The following TNFAIP8 variants were observed in gnomAD, a reference collection of about 807,000 sequenced individuals.
TNFAIP8 encodes the protein tumor necrosis factor alpha-induced protein 8.
In TNFAIP8, 7 loss-of-function variants were observed where a neutral mutation model predicts 13.3. The ratio of observed to expected loss-of-function variants is 0.52; its 90% confidence interval spans 0.30 to 0.99. TNFAIP8 has a LOEUF of 0.99. Among genes scored for constraint, TNFAIP8 ranks in the 50% least tolerant of loss-of-function variants. The pLI is 0.07. For missense variants in TNFAIP8, 258 were observed against 236.9 expected (o/e 1.09, Z -0.58); for synonymous variants, 94 against 87.6 (o/e 1.07, Z -0.41).
chr5:119,271,650 GA>G (rs1748295866), intron 1 of TNFAIP8, among the ~76,000 whole-genome samples: 2 of 152,170 alleles, frequency 1.3e-5, no homozygotes, highest in Admixed American at 6.5e-5. Flanking sequence ...CAGGGGCATT[GA>G]CTTTGGCAAT....
intron 1 of TNFAIP8, among the ~76,000 whole-genome samples, chr5:119,319,482 C>T (rs1048641793): frequency 6.6e-6 from 1 of 152,122 alleles, no homozygotes; most frequent in African/African-American, 2.4e-5. Flanking sequence ...AAATTTTCTC[C>T]TATCTGAGAG....
At chr5:119,363,921 C>G (rs150281556) in intron 1 of TNFAIP8, among the ~76,000 whole-genome samples, 181 of 152,308 alleles carry the variant, frequency 1.2e-3, no homozygotes, top group African/African-American at 4.2e-3. Flanking sequence ...CCTAGAACAG[C>G]TCATGAAACT....
chr5:119,387,609 G>T (rs985994961), intron 1 of TNFAIP8, among the ~76,000 whole-genome samples: 2 of 152,094 alleles, frequency 1.3e-5, no homozygotes, highest in Non-Finnish European at 2.9e-5. Flanking sequence ...TAATAACAAA[G>T]GACTTTTTTT....
At position 119,398,011 on chromosome 5, in the gene TNFAIP8, T is replaced by C. The variant is rs894554326; in HGVS notation, c.*4630T>C. 11 of 152,242 alleles carry C rather than the reference T, an allele frequency of 7.2e-5. No individual in the cohort carries two copies. Among genetic ancestry groups the C allele is most frequent in the African/African-American group, 2.7e-4 (11 of 41,466 alleles). The allele number at this position is 152,242 out of a possible 1,614,324, so 9.4% of individuals were successfully genotyped here. A position where few individuals can be genotyped will look rare whatever the true frequency, so the allele number is the denominator to read the frequency against. ...ATCTGCTGAGCACTGAGAAAGGATA[T>C]GGACAAGTCAGTCAGCATTCACAAT... On this transcript the variant is annotated 3_prime_UTR_variant, in exon 2 of 2. Transcript: ENST00000504771.
intron 1 of TNFAIP8, among the ~76,000 whole-genome samples, chr5:119,298,858 C>G (rs1428750392): frequency 5.3e-5 from 8 of 152,176 alleles, no homozygotes; most frequent in African/African-American, 7.2e-5. Context: ...TCATTCATTT[C>G]ATCTTCCATC....
At chr5:119,282,424 T>G (rs1311214360) in intron 1 of TNFAIP8, among the ~76,000 whole-genome samples, 1 of 152,246 alleles carries the variant, frequency 6.6e-6, no homozygotes, top group East Asian at 1.9e-4. Context: ...TTTGCCTTTG[T>G]GCTCCTTGAA....
intron 1 of TNFAIP8, among the ~76,000 whole-genome samples, chr5:119,303,818 A>G (rs561873663): frequency 6.6e-6 from 1 of 152,324 alleles, no homozygotes; most frequent in East Asian, 1.9e-4. Flanking sequence ...TAAGAAGTAA[A>G]TATGAAACAG....
At chr5:119,333,364 A>T in intron 1 of TNFAIP8, 1 of 1,308,616 alleles carries the variant, frequency 7.6e-7, no homozygotes, top group Non-Finnish European at 9.7e-7. Flanking sequence ...TCCCAGAATA[A>T]CAAGCAAGAC....
At chr5:119,385,536 C>A (rs1174217355) in intron 1 of TNFAIP8, among the ~76,000 whole-genome samples, 1 of 152,030 alleles carries the variant, frequency 6.6e-6, no homozygotes, top group African/African-American at 2.4e-5. Flanking sequence ...GGCAGAATAC[C>A]CCTATTTTAA....
At chr5:119,311,468 G>A (rs1315906385) in intron 1 of TNFAIP8, among the ~76,000 whole-genome samples, 1 of 151,968 alleles carries the variant, frequency 6.6e-6, no homozygotes, top group African/African-American at 2.4e-5. Context: ...AAGGCAGGTG[G>A]ATCACAAGGT....
chr5:119,365,531 C>G (rs17385413), intron 1 of TNFAIP8, among the ~76,000 whole-genome samples: 24,388 of 152,140 alleles, frequency 0.16, 2,589 homozygotes, highest in Non-Finnish European at 0.22. Context: ...TATAATCACA[C>G]CAAAAGACAG....
At chr5:119,286,607 G>A (rs1748806312) in intron 1 of TNFAIP8, among the ~76,000 whole-genome samples, 1 of 135,094 alleles carries the variant, frequency 7.4e-6, no homozygotes, top group South Asian at 2.5e-4. Flanking sequence ...GGGCGACAGA[G>A]CAAGACTCCC....
At chr5:119,361,240 C>G (rs993821543) in intron 1 of TNFAIP8, among the ~76,000 whole-genome samples, 3 of 152,144 alleles carry the variant, frequency 2.0e-5, no homozygotes, top group East Asian at 1.9e-4. Flanking sequence ...ACTGCCCCCC[C>G]AGCCGCTGAC....
chr5:119,276,310 G>T (rs1274078721), intron 1 of TNFAIP8, among the ~76,000 whole-genome samples: 3 of 151,998 alleles, frequency 2.0e-5, no homozygotes, highest in South Asian at 4.2e-4. Flanking sequence ...TAGAGACAGG[G>T]TTTCACCATG....
intron 1 of TNFAIP8, among the ~76,000 whole-genome samples, chr5:119,344,901 C>G (rs367610112): frequency 2.4e-4 from 36 of 152,240 alleles, no homozygotes; most frequent in East Asian, 1.5e-3. Context: ...CAGGGATACC[C>G]CTAGATAGGG....
At chr5:119,300,689 A>G (rs924769964) in intron 1 of TNFAIP8, among the ~76,000 whole-genome samples, 8 of 152,188 alleles carry the variant, frequency 5.3e-5, no homozygotes, top group African/African-American at 1.9e-4. Context: ...GAAACTGAAT[A>G]ACTTGCCTGA....
chr5:119,316,479 C>G (rs1005189551), intron 1 of TNFAIP8, among the ~76,000 whole-genome samples: 3 of 152,146 alleles, frequency 2.0e-5, no homozygotes, highest in African/African-American at 7.2e-5. Flanking sequence ...CTTTCTATGT[C>G]CCCTAATCAT....
chr5:119,344,108 AAAG>A (rs1750821635), intron 1 of TNFAIP8, among the ~76,000 whole-genome samples: 4 of 152,202 alleles, frequency 2.6e-5, no homozygotes, highest in Admixed American at 2.6e-4. Flanking sequence ...GCATTGCCAA[AAAG>A]AAGAACCTGA....
chr5:119,311,560 G>A (rs919204647), intron 1 of TNFAIP8, among the ~76,000 whole-genome samples: 10 of 151,764 alleles, frequency 6.6e-5, no homozygotes, highest in South Asian at 4.2e-4. Flanking sequence ...GTGTGGTGGC[G>A]CACCTGTGGT....
Sources: gnomAD v4.1 joint callset for allele counts (sites outside exome capture counted in the v4.1 genomes callset) on GRCh38, gnomAD v4.1.1 for gene constraint, MANE v1.5 for transcripts, NCBI Gene and HGNC (gene_info 2026-07-23, HGNC 2026-07-21) for gene names.